The following NMNAT3 variants were observed in gnomAD, a reference collection of about 807,000 sequenced individuals.
The protein encoded by NMNAT3 is nicotinamide nucleotide adenylyltransferase 3.
In NMNAT3, 21 loss-of-function variants were observed where a neutral mutation model predicts 24.8. The ratio of observed to expected loss-of-function variants is 0.85; its 90% CI spans 0.60 to 1.22. NMNAT3 has a LOEUF of 1.22. Ranked by LOEUF, NMNAT3 falls within the 50% of genes most tolerant of loss-of-function variation. The pLI, the probability that NMNAT3 is intolerant of heterozygous loss-of-function variation, is 0.00. For missense variants in NMNAT3, 387 were observed against 436.6 expected (o/e 0.89, Z 1.01); for synonymous variants, 136 against 155.2 (o/e 0.88, Z 0.92).
At chr3:139,636,455 A>G (rs1189521110) in intron 2 of NMNAT3, 1 of 152,216 alleles carries the variant, frequency 6.6e-6, no homozygotes. Flanking sequence ...TAGATCACAA[A>G]AACCAGACGC....
intron 1 of NMNAT3, among the ~76,000 whole-genome samples, chr3:139,675,752 T>C (rs1256315146): frequency 2.0e-5 from 3 of 152,194 alleles, no homozygotes; most frequent in African/African-American, 7.2e-5. Context: ...AGTAGTAGTA[T>C]CCTCCCACAT....
chr3:139,609,200 T>C (rs974124027), intron 3 of NMNAT3, among the ~76,000 whole-genome samples: 1 of 152,226 alleles, frequency 6.6e-6, no homozygotes, highest in African/African-American at 2.4e-5. Context: ...TGAACGTTTG[T>C]GTACAGGTTT....
intron 5 of NMNAT3, chr3:139,575,687 C>T: frequency 9.8e-7 from 1 of 1,021,446 alleles, no homozygotes; most frequent in Non-Finnish European, 1.2e-6. Context: ...TTGCCAGGGA[C>T]TTCCACTGCG....
intron 1 of NMNAT3, among the ~76,000 whole-genome samples, chr3:139,664,646 T>TC: frequency 6.6e-6 from 1 of 152,138 alleles, no homozygotes; most frequent in Non-Finnish European, 1.5e-5. Context: ...CTGTGTTGAT[T>TC]CCCCAAAACA....
At chr3:139,582,843 T>A in intron 4 of NMNAT3, 1 of 880,372 alleles carries the variant, frequency 1.1e-6, no homozygotes, top group Non-Finnish European at 1.6e-6. Flanking sequence ...GCAACTCTTC[T>A]TTCAAATTAT....
intron 6 of NMNAT3, chr3:139,569,662 A>T (rs1937796009): frequency 6.6e-6 from 1 of 152,192 alleles, no homozygotes; most frequent in Admixed American, 6.5e-5. Flanking sequence ...AGAATGTTGA[A>T]TATTGGTCTC....
chr3:139,583,611 G>T, intron 3 of NMNAT3: 2 of 890,970 alleles, frequency 2.2e-6, no homozygotes, highest in Non-Finnish European at 3.8e-6. Flanking sequence ...TCAAACAAAA[G>T]TTTAACAGCT....
intron 6 of NMNAT3, chr3:139,569,011 TGAATGTGG>T (rs1481698017): frequency 6.6e-6 from 1 of 152,126 alleles, no homozygotes; most frequent in Admixed American, 6.5e-5. Context: ...ACTTGCTTTA[TGAATGTGG>T]GTGCTCCTGT....
chr3:139,637,804 C>T (rs1004047930), intron 2 of NMNAT3, 159 bp downstream of exon 2: 1 of 152,218 alleles, frequency 6.6e-6, no homozygotes, highest in African/African-American at 2.4e-5. Flanking sequence ...CTCCTCTAAC[C>T]TTGAAAAGGT....
chr3:139,662,575 A>T (rs1296939886), intron 1 of NMNAT3, among the ~76,000 whole-genome samples: 1 of 152,160 alleles, frequency 6.6e-6, no homozygotes, highest in Non-Finnish European at 1.5e-5. Flanking sequence ...CCCACATCCT[A>T]CCAAGTCCTC....
chr3:139,578,835 G>T, intron 5 of NMNAT3, 37 bp downstream of exon 5: 1 of 1,560,312 alleles, frequency 6.4e-7, no homozygotes, highest in Non-Finnish European at 8.7e-7. Context: ...ATCTCCCGTG[G>T]CCCCTGGTCA....
At chr3:139,605,995 A>G (rs6800159) in intron 3 of NMNAT3, among the ~76,000 whole-genome samples, 15,390 of 151,864 alleles carry the variant, frequency 0.1, 1,624 homozygotes, top group East Asian at 0.26. Flanking sequence ...GTAATTCTAC[A>G]TATTTTATTT....
intron 5 of NMNAT3, chr3:139,576,418 GGGAAC>G: frequency 3.8e-6 from 1 of 260,666 alleles, no homozygotes; most frequent in Non-Finnish European, 6.0e-6. Flanking sequence ...AAATACATAT[GGGAAC>G]CTTTATGAAA....
chr3:139,616,463 A>T (rs2055507596), intron 3 of NMNAT3, among the ~76,000 whole-genome samples: 1 of 152,026 alleles, frequency 6.6e-6, no homozygotes, highest in South Asian at 2.1e-4. Context: ...ACCCCTAAGG[A>T]TACCTTCATT....
chr3:139,622,848 T>TTATATA lies in NMNAT3; in HGVS notation c.109+4762_109+4767dup, dbSNP rs61508216. Reference sequence around the variant, plus strand: ...TGATATATAATATATATTATATATATTATATATATATATATATAAACAGTA... The same window carrying TTATATA: ...TGATATATAATATATATTATATATATTATATATATATATATATATATATAAACAGTA... On this transcript the variant is annotated intron_variant, in intron 3 of 6. Coordinates refer to ENST00000643695, the MANE Select transcript of NMNAT3 (RefSeq NM_001320510.2). 3.7e-3 allele frequency among the ~76,000 whole-genome samples: 499 copies of TTATATA among 136,356 alleles called. 2 individuals carry two copies. The highest frequency in any genetic ancestry group is 5.4e-3 in the Non-Finnish European group (349 of 64,624). 89.5% of individuals were successfully genotyped at this position (136,356 alleles called of 152,430 possible). A position where few individuals can be genotyped will look rare whatever the true frequency, so the allele number is the denominator to read the frequency against.
In NMNAT3 at chr3:139,578,864, A is replaced by G; in HGVS notation, c.575+8T>C. Reference sequence around the variant, plus strand: ...CTGGTCATCACACAGGAGAGTGACTACCATTACCTCAGCACCTTCACTGTC... The same window carrying G: ...CTGGTCATCACACAGGAGAGTGACTGCCATTACCTCAGCACCTTCACTGTC... On this transcript the variant is annotated splice_region_variant and intron_variant, in intron 5 of 6. Transcript: ENST00000643695. 7 of 1,611,746 alleles carry G rather than the reference A, an allele frequency of 4.3e-6. No homozygotes were observed. The Admixed American group carries it at 8.3e-5, about 19-fold the overall frequency.
intron 1 of NMNAT3, among the ~76,000 whole-genome samples, chr3:139,645,169 T>A (rs148943970): frequency 0.02 from 3,089 of 152,096 alleles, 39 homozygotes; most frequent in Non-Finnish European, 0.026. Context: ...GCCACTGCAC[T>A]CCAGCCTGGG....
At chr3:139,617,936 G>A (rs1385024296) in intron 3 of NMNAT3, among the ~76,000 whole-genome samples, 2 of 152,164 alleles carry the variant, frequency 1.3e-5, no homozygotes, top group African/African-American at 2.4e-5. Flanking sequence ...ATGTTGTGCT[G>A]AATCATTTTC....
At chr3:139,617,472 G>A (rs978868700) in intron 3 of NMNAT3, among the ~76,000 whole-genome samples, 3 of 152,162 alleles carry the variant, frequency 2.0e-5, no homozygotes, top group Non-Finnish European at 4.4e-5. Context: ...TTCCTCATCT[G>A]TAAAATAGGG....
Sources: allele counts gnomAD v4.1 joint callset (sites outside exome capture counted in the v4.1 genomes callset), GRCh38; gene constraint gnomAD v4.1.1; transcripts MANE v1.5; gene names NCBI Gene and HGNC (gene_info 2026-07-23, HGNC 2026-07-21).